SGCD: variants seen among roughly 807,000 people sequenced by gnomAD.
SGCD encodes the protein sarcoglycan delta, also known as delta-sarcoglycan.
A neutral mutation model predicts 36.6 loss-of-function variants in SGCD; 18 were observed. The observed-to-expected ratio is 0.49, with a 90% confidence interval of 0.34 to 0.73. The LOEUF is 0.73. Among genes scored for constraint, SGCD ranks in the 30% least tolerant of loss-of-function variants. SGCD has a pLI of 0.01. For synonymous variants in SGCD, 133 were observed against 130.6 expected (o/e 1.02, Z -0.12); for missense variants, 387 against 346.7 (o/e 1.12, Z -0.92).
chr5:156,403,544 G>T (rs1282614603), intron 3 of SGCD, among the ~76,000 whole-genome samples: 1 of 152,166 alleles, frequency 6.6e-6, no homozygotes, highest in East Asian at 1.9e-4. Flanking sequence ...GTAATGATAG[G>T]TGGAGGAATG....
chr5:156,231,565 A>G (rs936934971), intron 3 of SGCD, among the ~76,000 whole-genome samples: 1 of 152,180 alleles, frequency 6.6e-6, no homozygotes, highest in African/African-American at 2.4e-5. Context: ...TAATTAAATA[A>G]ATAAAAAGGT....
chr5:155,952,684 C>T (rs550878612), intron 1 of SGCD, among the ~76,000 whole-genome samples: 9 of 152,292 alleles, frequency 5.9e-5, no homozygotes, highest in Admixed American at 2.0e-4. Flanking sequence ...GATAAGCCAC[C>T]GTCAGCCCCT....
chr5:156,129,420 C>T (rs148680782), intron 3 of SGCD, among the ~76,000 whole-genome samples: 31 of 152,248 alleles, frequency 2.0e-4, no homozygotes, highest in African/African-American at 7.5e-4. Context: ...CCATCTGACT[C>T]CAAGGCCTGG....
intron 3 of SGCD, among the ~76,000 whole-genome samples, chr5:156,490,176 G>A (rs1755872547): frequency 6.6e-6 from 1 of 151,864 alleles, no homozygotes; most frequent in Non-Finnish European, 1.5e-5. Flanking sequence ...CAGAAAACAC[G>A]AACGGAACAA....
intron 1 of SGCD, among the ~76,000 whole-genome samples, chr5:156,003,303 G>A (rs957578357): frequency 5.9e-5 from 9 of 152,184 alleles, no homozygotes; most frequent in Admixed American, 1.3e-4. Flanking sequence ...ATCCCAGCAC[G>A]TAGCAGTGTG....
At chr5:156,114,344 G>A (rs1001261214) in intron 1 of SGCD, among the ~76,000 whole-genome samples, 10 of 151,970 alleles carry the variant, frequency 6.6e-5, no homozygotes, top group Admixed American at 6.6e-4. Flanking sequence ...TAAAGACGTA[G>A]CCCCCTCCTC....
At chr5:155,862,846 A>C in the SGCD span, among the ~76,000 whole-genome samples, 1 of 152,194 alleles carries the variant, frequency 6.6e-6, no homozygotes, top group Non-Finnish European at 1.5e-5. Flanking sequence ...TTTATGTGCC[A>C]TGTGCTCTAT....
intron 4 of SGCD, among the ~76,000 whole-genome samples, chr5:156,560,281 C>A (rs1006157103): frequency 1.3e-5 from 2 of 152,254 alleles, no homozygotes; most frequent in South Asian, 4.2e-4. Context: ...TGCACCCTCC[C>A]GCAAGTTCTC....
At chr5:156,132,456 G>GTTTTTTT (rs1561532851) in intron 3 of SGCD, among the ~76,000 whole-genome samples, 1 of 73,584 alleles carries the variant, frequency 1.4e-5, no homozygotes, top group African/African-American at 6.1e-5. Flanking sequence ...AACTTACCAA[G>GTTTTTTT]TCTTTTTTTT....
chr5:156,297,226 G>A (rs1318546244), intron 3 of SGCD, among the ~76,000 whole-genome samples: 2 of 152,078 alleles, frequency 1.3e-5, no homozygotes, highest in Non-Finnish European at 2.9e-5. Context: ...GGAAGTCAGT[G>A]TGGCGATTCC....
At chr5:156,072,618 T>C (rs554031613) in intron 1 of SGCD, among the ~76,000 whole-genome samples, 6 of 152,124 alleles carry the variant, frequency 3.9e-5, no homozygotes, top group Non-Finnish European at 7.3e-5. Context: ...CTTGGAGTTG[T>C]TCTTCTTGAG....
intron 3 of SGCD, among the ~76,000 whole-genome samples, chr5:156,135,598 CT>C (rs145226559): frequency 0.025 from 3,767 of 152,216 alleles, 157 homozygotes; most frequent in African/African-American, 0.086. Flanking sequence ...TCCTTGTCTC[CT>C]ATGCATAAAT....
intron 2 of SGCD, among the ~76,000 whole-genome samples, chr5:156,119,085 G>A (rs987935919): frequency 1.3e-5 from 2 of 152,160 alleles, no homozygotes; most frequent in Non-Finnish European, 2.9e-5. Context: ...ATTCCAGTAT[G>A]TAGTGGGACC....
chr5:156,625,465 A>G (rs1214339636), intron 6 of SGCD, among the ~76,000 whole-genome samples: 3 of 152,220 alleles, frequency 2.0e-5, no homozygotes, highest in Non-Finnish European at 4.4e-5. Flanking sequence ...CTTGACTAGG[A>G]TAGGAAATAA....
intron 7 of SGCD, among the ~76,000 whole-genome samples, chr5:156,660,393 ATC>A (rs1380590644): frequency 6.6e-6 from 1 of 152,210 alleles, no homozygotes; most frequent in Non-Finnish European, 1.5e-5. Flanking sequence ...TGGTGTTACC[ATC>A]TCCGTGGAGG....
chr5:156,235,314 T>A (rs745809900), intron 3 of SGCD, among the ~76,000 whole-genome samples: 35 of 152,216 alleles, frequency 2.3e-4, no homozygotes, highest in Non-Finnish European at 4.1e-4. Flanking sequence ...TGTTGAATCA[T>A]GTGACTTTGG....
chr5:156,288,631 A>G (rs777997688), intron 3 of SGCD, among the ~76,000 whole-genome samples: 24 of 152,216 alleles, frequency 1.6e-4, no homozygotes, highest in Non-Finnish European at 3.5e-4. Context: ...ATGGGACTGA[A>G]GATCAGAAGA....
At chr5:156,343,637 G>A (rs1768786541) in intron 2 of SGCD, among the ~76,000 whole-genome samples, 2 of 152,134 alleles carry the variant, frequency 1.3e-5, no homozygotes, top group African/African-American at 4.8e-5. Context: ...TGTGTCAACA[G>A]CAGGGACTTG....
At chr5:156,213,944 G>A (rs374030421) in intron 3 of SGCD, among the ~76,000 whole-genome samples, 32 of 151,982 alleles carry the variant, frequency 2.1e-4, no homozygotes, top group African/African-American at 7.7e-4. Context: ...AGGTATAGAA[G>A]GAATGTACCT....
Sources: gnomAD v4.1 joint callset for allele counts (sites outside exome capture counted in the v4.1 genomes callset) on GRCh38, gnomAD v4.1.1 for gene constraint, MANE v1.5 for transcripts, NCBI Gene and HGNC (gene_info 2026-07-23, HGNC 2026-07-21) for gene names.